The following PCCA variants were observed in gnomAD, a reference collection of about 807,000 sequenced individuals.
The protein encoded by PCCA is propionyl-CoA carboxylase alpha chain, mitochondrial.
PCCA carries 74 observed loss-of-function variants against 101.3 expected under a neutral mutation model. The ratio of observed to expected loss-of-function variants is 0.73; its 90% confidence interval spans 0.61 to 0.89. The LOEUF (loss-of-function observed/expected upper bound fraction) is 0.89, where lower values mean the gene tolerates loss of function less well. Ranked by LOEUF, PCCA falls within the 40% of genes least tolerant of loss-of-function variation. The pLI is 0.00. For missense variants in PCCA, 891 were observed against 907.0 expected (o/e 0.98, Z 0.23); for synonymous variants, 294 against 313.6 (o/e 0.94, Z 0.66).
chr13:100,295,272 C>T (rs746004742), intron 12 of PCCA, among the ~76,000 whole-genome samples: 20 of 152,156 alleles, frequency 1.3e-4, no homozygotes, highest in Admixed American at 3.9e-4. Flanking sequence ...GGAATAGCAA[C>T]AAACTACAAA....
intron 17 of PCCA, among the ~76,000 whole-genome samples, chr13:100,337,435 G>C (rs1248303461): frequency 6.6e-6 from 1 of 152,202 alleles, no homozygotes; most frequent in Non-Finnish European, 1.5e-5. Flanking sequence ...GCCTTACTTA[G>C]TATCAGGCCG....
rs113197938 is a variant in PCCA, at chr13:100,268,478, A to T, written c.820-211A>T. ...AGGTGATATGAACACTTTTTCCTCA[A>T]ATCTTTTTGATAAAAATGTTTTATT... On this transcript the variant is annotated intron_variant, in intron 10 of 23. Transcript: ENST00000376285. 8.9e-4 allele frequency: 554 copies of T among 619,978 alleles called. 2 individuals carry two copies. In the African/African-American group the frequency reaches 9.0e-3, roughly 10 times the overall value. The allele number at this position is 619,978 out of a possible 1,614,324, so 38.4% of individuals were successfully genotyped here.
intron 23 of PCCA, 38 bp from the exon 24 acceptor site, chr13:100,530,060 C>G: frequency 6.5e-7 from 1 of 1,539,530 alleles, no homozygotes; most frequent in Non-Finnish European, 9.0e-7. Context: ...GTTACTAATT[C>G]TTACTCTCCC....
At chr13:100,407,777 T>C (rs1268151942) in intron 19 of PCCA, among the ~76,000 whole-genome samples, 1 of 152,246 alleles carries the variant, frequency 6.6e-6, no homozygotes, top group Non-Finnish European at 1.5e-5. Context: ...TTTACTGTTC[T>C]TACATACCTT....
At chr13:100,261,481 TCA>T (rs975937294) in intron 9 of PCCA, among the ~76,000 whole-genome samples, 2 of 152,114 alleles carry the variant, frequency 1.3e-5, no homozygotes, top group Non-Finnish European at 2.9e-5. Context: ...TTCTCCTGCT[TCA>T]GTCTCCTGAG....
intron 7 of PCCA, among the ~76,000 whole-genome samples, chr13:100,230,551 AAAAG>A (rs927101044): frequency 2.6e-5 from 4 of 151,784 alleles, no homozygotes; most frequent in African/African-American, 7.3e-5. Context: ...AAAAAAAAAA[AAAAG>A]AAAGAACGTG....
chr13:100,233,694 G>A (rs772307701), intron 7 of PCCA, among the ~76,000 whole-genome samples: 1 of 152,188 alleles, frequency 6.6e-6, no homozygotes, highest in South Asian at 2.1e-4. Context: ...CCTCAGTAAA[G>A]TATTTTTGGA....
chr13:100,519,040 G>A (rs1284222986), intron 22 of PCCA, among the ~76,000 whole-genome samples: 2 of 152,100 alleles, frequency 1.3e-5, no homozygotes, highest in African/African-American at 2.4e-5. Flanking sequence ...GAGCACATTC[G>A]CTTTGTTAGC....
intron 21 of PCCA, among the ~76,000 whole-genome samples, chr13:100,452,190 GCTC>G (rs762324463): frequency 1.9e-4 from 23 of 121,686 alleles, no homozygotes; most frequent in Non-Finnish European, 3.9e-4. Flanking sequence ...CCTCTTTCTC[GCTC>G]CTCTTTTTCT....
At chr13:100,179,843 C>T (rs2056628257) in intron 6 of PCCA, among the ~76,000 whole-genome samples, 1 of 151,986 alleles carries the variant, frequency 6.6e-6, no homozygotes, top group African/African-American at 2.4e-5. Context: ...GAGAAGCAGC[C>T]AGCACTTGGA....
At chr13:100,209,873 C>T (rs1186447336) in intron 7 of PCCA, among the ~76,000 whole-genome samples, 3 of 152,016 alleles carry the variant, frequency 2.0e-5, no homozygotes, top group Non-Finnish European at 4.4e-5. Flanking sequence ...CCCAGGTGAT[C>T]TGCCTGCTTC....
Position 100,157,289 on chromosome 13 carries a change from A to T in PCCA, c.417A>T (p.Val139=). 1 of 1,609,070 alleles carries T rather than the reference A, an allele frequency of 6.2e-7. No individual in the cohort carries two copies. Among genetic ancestry groups the T allele is most frequent in the Non-Finnish European group, 8.5e-7 (1 of 1,175,554 alleles). Residue 139 remains valine, a splice_region_variant and synonymous_variant, in exon 6 of 24, where the codon GTA becomes GTT. Transcript: ENST00000376285. ...EAIKKTRAQA[V]HPGYGFLSEN... ...TGCTTTTTGCTTTCATTTCTAAGGT[A>T]CATCCAGGTTATGGATTCCTTTCAG...
chr13:100,325,786 C>T (rs2068610488), intron 16 of PCCA, among the ~76,000 whole-genome samples: 1 of 152,122 alleles, frequency 6.6e-6, no homozygotes, highest in African/African-American at 2.4e-5. Flanking sequence ...TGGATTGACT[C>T]CATTGATGCT....
intron 13 of PCCA, among the ~76,000 whole-genome samples, chr13:100,301,830 C>T (rs2066084799): frequency 6.6e-6 from 1 of 152,188 alleles, no homozygotes; most frequent in African/African-American, 2.4e-5. Context: ...GGGGAAATAG[C>T]TACCAATCCT....
chr13:100,255,667 A>G (rs2062027745), intron 8 of PCCA, among the ~76,000 whole-genome samples: 2 of 151,670 alleles, frequency 1.3e-5, no homozygotes, highest in African/African-American at 2.4e-5. Flanking sequence ...GCGCTTTTTC[A>G]CTCCCGTAAA....
intron 21 of PCCA, among the ~76,000 whole-genome samples, chr13:100,488,628 G>GT (rs1236978118): frequency 1.3e-3 from 90 of 67,028 alleles, no homozygotes; most frequent in African/African-American, 5.5e-3. Flanking sequence ...TTGTTTTTTT[G>GT]TTTTGTTTTT....
chr13:100,480,892 T>C (rs1018258688), intron 21 of PCCA: 3 of 152,252 alleles, frequency 2.0e-5, no homozygotes, highest in South Asian at 4.1e-4. Context: ...TACTGTACAG[T>C]AGCCCCCCTT....
At chr13:100,259,046 G>A (rs2152560326) in intron 9 of PCCA, among the ~76,000 whole-genome samples, 1 of 152,168 alleles carries the variant, frequency 6.6e-6, no homozygotes. Context: ...ACATGCCTAT[G>A]CTTGTCTTTT....
rs76769766 is a variant in PCCA at position 100,167,747 on chromosome 13, A to G, written c.468+10407A>G. On this transcript the variant is annotated intron_variant, in intron 6 of 23. Transcript: ENST00000376285. ...TTTGCATGTGGCTATTCAGTTTGCT[A>G]TACAATCTCTTGAAGAGGTTATCCC... is the stretch of plus-strand genomic sequence containing the variant. 1.9e-4 allele frequency among the ~76,000 whole-genome samples: 29 copies of G among 152,226 alleles called. No individual in the cohort carries two copies. The East Asian group carries it at 3.9e-3, about 20-fold the overall frequency.
Sources: allele counts gnomAD v4.1 joint callset (sites outside exome capture counted in the v4.1 genomes callset), GRCh38; gene constraint gnomAD v4.1.1; transcripts MANE v1.5; gene names NCBI Gene and HGNC (gene_info 2026-07-23, HGNC 2026-07-21).